Variants in CPNE8 observed in about 807,000 individuals in gnomAD.
The protein encoded by CPNE8 is copine-8.
Under a neutral mutation model 81.5 loss-of-function variants are expected in CPNE8, and 45 were observed. The ratio of observed to expected loss-of-function variants is 0.55; its 90% CI spans 0.44 to 0.71. The LOEUF is 0.71. CPNE8 is among the 30% of genes least tolerant of loss of function. The probability of loss-of-function intolerance (pLI) is 0.00; values close to 1 mark genes in which losing one functional copy is unlikely to be tolerated. For missense variants in CPNE8, 594 were observed against 672.1 expected, an observed-to-expected ratio of 0.88 and a Z score of 1.28; for synonymous variants, 252 against 226.3, an observed-to-expected ratio of 1.11 and a Z score of -1.02.
At chr12:38,770,714 C>G (rs1019804050) in intron 7 of CPNE8, among the ~76,000 whole-genome samples, 1 of 152,118 alleles carries the variant, frequency 6.6e-6, no homozygotes, top group Non-Finnish European at 1.5e-5. Context: ...CATCTCACAT[C>G]GGACCCACAC....
At chr12:38,810,456 C>T (rs1008734513) in intron 6 of CPNE8, among the ~76,000 whole-genome samples, 1 of 152,108 alleles carries the variant, frequency 6.6e-6, no homozygotes, top group Admixed American at 6.6e-5. Flanking sequence ...TCCTGATACT[C>T]AATCTCTTCA....
Position 38,706,098 on chromosome 12 carries a change from AT to A in CPNE8, c.915-3178del, listed in dbSNP as rs201337567. Among the ~76,000 whole-genome samples, 249 of 152,280 alleles carry A rather than the reference AT, an allele frequency of 1.6e-3. 2 individuals carry two copies. Among genetic ancestry groups the A allele is most frequent in the African/African-American group, 5.8e-3 (242 of 41,568 alleles). On this transcript the variant is annotated intron_variant, in intron 13 of 19. Transcript: ENST00000331366. ...TTCTATGCCAGTAATAAACAACAGC[AT>A]TGGAATTTGAATTCACATTCAACTA...
At chr12:38,722,884 TAGTA>T (rs2136744128) in intron 13 of CPNE8, among the ~76,000 whole-genome samples, 1 of 152,178 alleles carries the variant, frequency 6.6e-6, no homozygotes, top group Admixed American at 6.5e-5. Context: ...GTTCTCATGA[TAGTA>T]AGTGAGTTCT....
Position 38,723,851 on chromosome 12 carries a change from A to G in CPNE8, c.853-18T>C, listed in dbSNP as rs1940630939. 2 of 1,466,040 alleles carry G rather than the reference A, an allele frequency of 1.4e-6. No homozygotes were observed. The highest frequency in any genetic ancestry group is 2.3e-5 in the East Asian group (1 of 44,096). The allele number at this position is 1,466,040 out of a possible 1,614,324, so 90.8% of individuals were successfully genotyped here. A position where few individuals can be genotyped will look rare whatever the true frequency, so the allele number is the denominator to read the frequency against. On this transcript the variant is annotated intron_variant, in intron 12 of 19. Coordinates refer to ENST00000331366, the MANE Select transcript of CPNE8 (RefSeq NM_153634.3). ...AAAGTTACCTGAAAAAGAAAAAGACAGAATTACCTTCTAGTTGTTTGTGAC... is the reference window on the plus strand; with the variant it reads ...AAAGTTACCTGAAAAAGAAAAAGACGGAATTACCTTCTAGTTGTTTGTGAC...
intron 1 of CPNE8, among the ~76,000 whole-genome samples, chr12:38,904,629 C>T (rs1037999524): frequency 6.6e-6 from 1 of 151,942 alleles, no homozygotes; most frequent in Non-Finnish European, 1.5e-5. Flanking sequence ...CCACCACGTC[C>T]GGCTAATTTT....
At position 38,802,585 on chromosome 12, in the gene CPNE8, C is replaced by A. The variant is rs1942698051; in HGVS notation, c.408-26284G>T. 2.1e-5 allele frequency among the ~76,000 whole-genome samples: 3 copies of A among 140,098 alleles called. No individual in the cohort carries two copies. The Admixed American group carries it at 2.2e-4, about 10-fold the overall frequency. The allele number at this position is 140,098 out of a possible 152,430, so 91.9% of individuals were successfully genotyped here. On this transcript the variant is annotated intron_variant, in intron 6 of 19. Coordinates refer to ENST00000331366, the MANE Select transcript of CPNE8 (RefSeq NM_153634.3). ...AGATCCAAAATTGACACCCTAACATCACAATTAAAAGAACTATAAAAGCAA... is the reference window on the plus strand; with the variant it reads ...AGATCCAAAATTGACACCCTAACATAACAATTAAAAGAACTATAAAAGCAA...
At chr12:38,730,501 A>G in intron 10 of CPNE8, 143 bp from the exon 11 acceptor site, 2 of 471,408 alleles carry the variant, frequency 4.2e-6, no homozygotes, top group Non-Finnish European at 7.4e-6. Context: ...CAAAATATTT[A>G]AAAGGACTAA....
intron 14 of CPNE8, among the ~76,000 whole-genome samples, chr12:38,696,604 T>C (rs1053629610): frequency 1.3e-5 from 2 of 152,238 alleles, no homozygotes; most frequent in Non-Finnish European, 2.9e-5. Flanking sequence ...ACAATATGTA[T>C]ACTTTTGTTA....
intron 19 of CPNE8, among the ~76,000 whole-genome samples, chr12:38,659,821 A>G (rs1288462693): frequency 6.6e-6 from 1 of 152,176 alleles, no homozygotes; most frequent in Non-Finnish European, 1.5e-5. Flanking sequence ...CTATACACCA[A>G]TAACAGACAG....
At chr12:38,659,178 TC>T in intron 19 of CPNE8, among the ~76,000 whole-genome samples, 1 of 147,522 alleles carries the variant, frequency 6.8e-6, no homozygotes. Flanking sequence ...ACACATAGGC[TC>T]AAAATGAAGG....
At chr12:38,900,269 C>A (rs1479541607) in intron 1 of CPNE8, among the ~76,000 whole-genome samples, 1 of 152,052 alleles carries the variant, frequency 6.6e-6, no homozygotes, top group African/African-American at 2.4e-5. Flanking sequence ...GTATAACCAG[C>A]ACAGCTTGAA....
chr12:38,856,671 T>C (rs1943741508), intron 3 of CPNE8, among the ~76,000 whole-genome samples: 1 of 152,130 alleles, frequency 6.6e-6, no homozygotes, highest in South Asian at 2.1e-4. Flanking sequence ...TATGTAAAAT[T>C]GAATTGTTTA....
chr12:38,795,287 C>A (rs1267102796), intron 6 of CPNE8, among the ~76,000 whole-genome samples: 2 of 152,040 alleles, frequency 1.3e-5, no homozygotes, highest in East Asian at 3.9e-4. Flanking sequence ...TAGTTCTGTC[C>A]CTCTAGAGAA....
upstream of CPNE8, chr12:38,905,609 A>T (rs567673779): frequency 2.0e-4 from 311 of 1,526,376 alleles, no homozygotes; most frequent in Non-Finnish European, 2.6e-4. Flanking sequence ...AGCTCCCGTC[A>T]GGCGGGGATG....
intron 15 of CPNE8, among the ~76,000 whole-genome samples, chr12:38,692,039 C>G (rs372542034): frequency 3.8e-4 from 58 of 152,120 alleles, no homozygotes; most frequent in African/African-American, 1.4e-3. Flanking sequence ...CACCTGCAGT[C>G]CCAGCACTTT....
At chr12:38,809,706 C>A (rs1481715848) in intron 6 of CPNE8, among the ~76,000 whole-genome samples, 1 of 152,114 alleles carries the variant, frequency 6.6e-6, no homozygotes, top group African/African-American at 2.4e-5. Flanking sequence ...AAATTCAGTT[C>A]AAAAATCTTC....
At position 38,839,934 on chromosome 12, in the gene CPNE8, G is replaced by C; in HGVS notation, c.312C>G (p.Ser104Arg). ...AACTTACATGTTTGGATAAGTTGGG[G>C]CTCTTTGAATCAACATCATACCTAA... Reference protein sequence around the residue: ...RFDLYDVDSKSPNLSKHDFLG... With the variant: ...RFDLYDVDSKRPNLSKHDFLG... The change falls in exon 5 of 20, where the codon AGC (serine) becomes AGG (arginine). Residue 104 changes from serine to arginine, a missense_variant. Physicochemically the swap from Ser to Arg is moderately radical, Grantham distance 110. Coordinates refer to ENST00000331366, the MANE Select transcript of CPNE8 (RefSeq NM_153634.3). The C allele has an allele frequency of 6.3e-7, 1 of 1,580,420 alleles. No homozygotes were observed. The highest frequency in any genetic ancestry group is 1.7e-5 in the Admixed American group (1 of 57,772).
chr12:38,798,572 C>T (rs1245651375), intron 6 of CPNE8, among the ~76,000 whole-genome samples: 5 of 151,900 alleles, frequency 3.3e-5, no homozygotes, highest in Admixed American at 1.3e-4. Flanking sequence ...AAAGAACAAC[C>T]GGTACCAGCC....
chr12:38,726,353 C>T (rs866120), intron 11 of CPNE8: 15,615 of 151,828 alleles, frequency 0.1, 1,016 homozygotes, highest in East Asian at 0.24. Context: ...ATTGGTCATC[C>T]ATTCATTCAT....
Sources: gnomAD v4.1 joint callset for allele counts (sites outside exome capture counted in the v4.1 genomes callset) on GRCh38, gnomAD v4.1.1 for gene constraint, MANE v1.5 for transcripts, NCBI Gene and HGNC (gene_info 2026-07-23, HGNC 2026-07-21) for gene names.